The following PCDHGB5 variants were observed in gnomAD, a reference collection of about 807,000 sequenced individuals.
PCDHGB5 encodes the protein protocadherin gamma-B5.
A neutral mutation model predicts 62.9 loss-of-function variants in PCDHGB5; 48 were observed. The observed-to-expected ratio is 0.76, with a 90% CI of 0.61 to 0.97. The LOEUF (loss-of-function observed/expected upper bound fraction) is 0.97, where lower values mean the gene tolerates loss of function less well. Among genes scored for constraint, PCDHGB5 ranks in the 50% least tolerant of loss-of-function variants. PCDHGB5 has a pLI of 0.00. For missense variants in PCDHGB5, 1,118 were observed against 1,198.6 expected (o/e 0.93, Z 0.99); for synonymous variants, 474 against 511.2 (o/e 0.93, Z 0.98).
rs1441582051 is a variant in PCDHGB5, at chr5:141,487,416, G to A, written c.2398-7391G>A. 1 of 1,614,088 alleles carries A rather than the reference G, an allele frequency of 6.2e-7. No individual in the cohort carries two copies. Among genetic ancestry groups the A allele is most frequent in the Admixed American group, 1.7e-5 (1 of 60,024 alleles). On this transcript the variant is annotated intron_variant, in intron 1 of 3. Coordinates refer to ENST00000617380, the MANE Select transcript of PCDHGB5 (RefSeq NM_018925.3). The surrounding 1 kb of genome is among the most constrained non-coding windows in gnomAD (Gnocchi z 5.0). ...AGGGAGGGGCTTCCCCCTTCCAATGGGATCCTCCGAATCCAGCTAGGGTCA... is the reference window on the plus strand; with the variant it reads ...AGGGAGGGGCTTCCCCCTTCCAATGAGATCCTCCGAATCCAGCTAGGGTCA...
chr5:141,444,363 G>A (rs1292799006), intron 1 of PCDHGB5, among the ~76,000 whole-genome samples: 1 of 151,772 alleles, frequency 6.6e-6, no homozygotes, highest in Non-Finnish European at 1.5e-5. Context: ...TAGAGACGGG[G>A]TTTCTCCATG....
chr5:141,497,986 G>T (rs1404550601), intron 2 of PCDHGB5, among the ~76,000 whole-genome samples: 1 of 152,176 alleles, frequency 6.6e-6, no homozygotes, highest in Non-Finnish European at 1.5e-5. Context: ...GGAGGCCCCT[G>T]CCCTCAAGGA....
At chr5:141,472,017 T>C (rs2154571143) in intron 1 of PCDHGB5, among the ~76,000 whole-genome samples, 1 of 152,290 alleles carries the variant, frequency 6.6e-6, no homozygotes, top group South Asian at 2.1e-4. Context: ...GGGCACTATA[T>C]TGTATGTAGA....
chr5:141,450,006 C>CTATTTTT lies in PCDHGB5; in HGVS notation c.2398-44800_2398-44799insATTTTTT, dbSNP rs70988802. On this transcript the variant is annotated intron_variant, in intron 1 of 3. Coordinates refer to ENST00000617380, the MANE Select transcript of PCDHGB5 (RefSeq NM_018925.3). ...CACATTGCATTTAGTTGCCATGTCTCTTTTTTTTTTTTTTTTTTGAGACAG... is the reference window on the plus strand; with the variant it reads ...CACATTGCATTTAGTTGCCATGTCTCTATTTTTTTTTTTTTTTTTTTTTTTGAGACAG... Among the ~76,000 whole-genome samples, 248 of 132,920 alleles carry CTATTTTT rather than the reference C, an allele frequency of 1.9e-3. 8 individuals carry two copies. Among genetic ancestry groups the CTATTTTT allele is most frequent in the African/African-American group, 4.3e-3 (154 of 35,586 alleles). 87.2% of individuals were successfully genotyped at this position (132,920 alleles called of 152,430 possible). A position where few individuals can be genotyped will look rare whatever the true frequency, so the allele number is the denominator to read the frequency against.
chr5:141,423,562 A>C (rs374427537), intron 1 of PCDHGB5: 1 of 1,613,612 alleles, frequency 6.2e-7, no homozygotes, highest in African/African-American at 1.3e-5. Context: ...CTATGGGGAC[A>C]CGCTCATCAG....
At chr5:141,409,988 GC>G in intron 1 of PCDHGB5, 1 of 1,613,278 alleles carries the variant, frequency 6.2e-7, no homozygotes, top group Non-Finnish European at 8.5e-7. Flanking sequence ...AGCGGTGGAC[GC>G]CGACTCGGGA....
At position 141,477,748 on chromosome 5, in the gene PCDHGB5, C is replaced by T; in HGVS notation, c.2398-17059C>T. ...CAGCTCATATCAGCGATGGGGGCAC[C>T]CCGGTCCTAGCCACCAACATCAGCG... On this transcript the variant is annotated intron_variant, in intron 1 of 3. Transcript: ENST00000617380. The surrounding 1 kb of genome is among the most constrained non-coding windows in gnomAD (Gnocchi z 4.9). 6.2e-7 allele frequency: 1 copy of T among 1,613,872 alleles called. No homozygotes were observed. The highest frequency in any genetic ancestry group is 1.1e-5 in the South Asian group (1 of 91,080).
chr5:141,423,219 T>G (rs775170753), intron 1 of PCDHGB5: 4 of 1,613,752 alleles, frequency 2.5e-6, no homozygotes, highest in Non-Finnish European at 3.4e-6. Context: ...TCACCGTGGC[T>G]GTGGCCGACA....
intron 1 of PCDHGB5, chr5:141,426,693 A>C (rs62378458): frequency 0.034 from 14,964 of 435,892 alleles, 320 homozygotes; most frequent in Middle Eastern, 0.11. Flanking sequence ...CCAAAATAGC[A>C]TTGTTTTACA....
In PCDHGB5 at chr5:141,398,811, C is replaced by G; in HGVS notation, c.684C>G (p.Leu228=). 6.2e-7 allele frequency: 1 copy of G among 1,613,980 alleles called. No homozygotes were observed. The part of the protein sequence containing the change: ...GHPPLSGTTE[L]RIQVTDANDN... The stretch of plus-strand genomic sequence containing the variant: ...CACCCCTAAGCGGCACCACTGAGCT[C>G]CGGATCCAGGTAACCGACGCCAATG... Residue 228 remains leucine, a synonymous_variant, in exon 1 of 4, where the codon CTC becomes CTG. Transcript: ENST00000617380.
chr5:141,409,624 G>C lies in PCDHGB5; in HGVS notation c.2397+9100G>C, dbSNP rs747166507. 11 of 1,613,728 alleles carry C rather than the reference G, an allele frequency of 6.8e-6. No homozygotes were observed. The South Asian group carries it at 8.8e-5, about 13-fold the overall frequency. On this transcript the variant is annotated intron_variant, in intron 1 of 3. Transcript: ENST00000617380. The stretch of plus-strand genomic sequence containing the variant: ...CGCCAGGAGCCTCCATTGCGCAAGT[G>C]AGCGCCTCTGACCCGGATTTGGGGC...
intron 1 of PCDHGB5, among the ~76,000 whole-genome samples, chr5:141,437,976 T>G (rs1182220385): frequency 1.3e-5 from 2 of 152,096 alleles, no homozygotes; most frequent in Non-Finnish European, 2.9e-5. Flanking sequence ...GATCTTGGGA[T>G]GCACCCACCC....
intron 1 of PCDHGB5, chr5:141,423,540 C>T (rs961504938): frequency 6.2e-7 from 1 of 1,613,606 alleles, no homozygotes; most frequent in Non-Finnish European, 8.5e-7. Context: ...ACCTGATTTT[C>T]CCCCAGCCCA....
chr5:141,432,521 G>A lies in PCDHGB5; in HGVS notation c.2397+31997G>A. The stretch of plus-strand genomic sequence containing the variant: ...CCGCTCCGCAGAGCCCGGCTACCTG[G>A]TGACCAAGGTGGTGGCGGTGGACAG... On this transcript the variant is annotated intron_variant, in intron 1 of 3. Coordinates refer to ENST00000617380, the MANE Select transcript of PCDHGB5 (RefSeq NM_018925.3). The surrounding 1 kb of genome is among the most constrained non-coding windows in gnomAD (Gnocchi z 6.0). The A allele has an allele frequency of 6.2e-7, 1 of 1,614,112 alleles. No homozygotes were observed. Among genetic ancestry groups the A allele is most frequent in the Non-Finnish European group, 8.5e-7 (1 of 1,180,028 alleles).
intron 1 of PCDHGB5, chr5:141,433,239 G>A: frequency 1.3e-6 from 2 of 1,494,126 alleles, no homozygotes; most frequent in Non-Finnish European, 1.8e-6. Context: ...TGTCTCCCAA[G>A]CTGGAATGCA....
chr5:141,498,078 G>A (rs1165770641), intron 2 of PCDHGB5, among the ~76,000 whole-genome samples: 6 of 152,194 alleles, frequency 3.9e-5, no homozygotes, highest in African/African-American at 1.4e-4. Flanking sequence ...ATAAGTGCTA[G>A]GTAGAATTGT....
In PCDHGB5 at chr5:141,489,576, C is replaced by T; in HGVS notation, c.2398-5231C>T. 1.9e-6 allele frequency: 3 copies of T among 1,614,054 alleles called. No individual in the cohort carries two copies. Among genetic ancestry groups the T allele is most frequent in the Non-Finnish European group, 2.5e-6 (3 of 1,179,976 alleles). Reference sequence around the variant, plus strand: ...TGCCAGTGCAGGTGGTGACTGAACACCCCCTGGAGCTAATCCGTGTAGAGG... The same window carrying T: ...TGCCAGTGCAGGTGGTGACTGAACATCCCCTGGAGCTAATCCGTGTAGAGG... On this transcript the variant is annotated intron_variant, in intron 1 of 3. Coordinates refer to ENST00000617380, the MANE Select transcript of PCDHGB5 (RefSeq NM_018925.3). This position sits in a 1 kb window ranked among gnomAD's most constrained non-coding sequence, Gnocchi z 4.5.
Position 141,485,757 on chromosome 5 carries a change from T to A in PCDHGB5, c.2398-9050T>A. The A allele has an allele frequency of 6.2e-7, 1 of 1,614,174 alleles. No homozygotes were observed. The highest frequency in any genetic ancestry group is 8.5e-7 in the Non-Finnish European group (1 of 1,180,028). The stretch of plus-strand genomic sequence containing the variant: ...GACGGCAGCCTGGTCCCAGAGCTGC[T>A]CCTGGAGAAGCCTTTGGATCGAGAG... On this transcript the variant is annotated intron_variant, in intron 1 of 3. Transcript: ENST00000617380. The surrounding 1 kb of genome is among the most constrained non-coding windows in gnomAD (Gnocchi z 5.7).
chr5:141,492,998 C>A (rs2154589328), intron 1 of PCDHGB5, among the ~76,000 whole-genome samples: 1 of 152,334 alleles, frequency 6.6e-6, no homozygotes, highest in Admixed American at 6.5e-5. Flanking sequence ...AGATGGAAAG[C>A]TATAGGCTCT....
Sources: gnomAD v4.1 joint callset for allele counts (sites outside exome capture counted in the v4.1 genomes callset) on GRCh38, gnomAD v4.1.1 for gene constraint, Gnocchi (gnomAD v3.1) non-coding constraint, MANE v1.5 for transcripts, NCBI Gene and HGNC (gene_info 2026-07-23, HGNC 2026-07-21) for gene names.